The following MME variants were observed in gnomAD, a reference collection of about 807,000 sequenced individuals.
The protein encoded by MME is neprilysin.
MME carries 98 observed loss-of-function variants against 113.2 expected under a neutral mutation model. The ratio of observed to expected loss-of-function variants is 0.87; its 90% CI spans 0.74 to 1.02. The LOEUF is 1.02. MME is among the 50% of genes least tolerant of loss of function. The pLI, the probability that MME is intolerant of heterozygous loss-of-function variation, is 0.00. For missense variants in MME, 836 were observed against 896.0 expected, an observed-to-expected ratio of 0.93 and a Z score of 0.86; for synonymous variants, 292 against 300.6, an observed-to-expected ratio of 0.97 and a Z score of 0.30.
chr3:155,028,606 T>A (rs1293832038), intron 1 of MME, among the ~76,000 whole-genome samples: 1 of 152,194 alleles, frequency 6.6e-6, no homozygotes, highest in East Asian at 1.9e-4. Flanking sequence ...ATAGCAGACT[T>A]TTCCAAGTCT....
At position 155,084,338 on chromosome 3, in the gene MME, C is replaced by A. The variant is rs1209380974; in HGVS notation, c.160+11C>A. 6.2e-7 allele frequency: 1 copy of A among 1,613,620 alleles called. No individual in the cohort carries two copies. The highest frequency in any genetic ancestry group is 1.7e-5 in the Admixed American group (1 of 60,000). ...ATGCAACCTACGATGGTGAGTTACT[C>A]CCACACCTGTGCATCCATAAGTGCA... On this transcript the variant is annotated intron_variant, in intron 2 of 22. Transcript: ENST00000360490.
chr3:155,046,580 C>T (rs964934932), intron 1 of MME, among the ~76,000 whole-genome samples: 1 of 152,136 alleles, frequency 6.6e-6, no homozygotes, highest in Non-Finnish European at 1.5e-5. Context: ...ATCCCAGTTA[C>T]TTAGGAGGCC....
At chr3:155,060,867 G>C (rs1305122221) in intron 1 of MME, among the ~76,000 whole-genome samples, 1 of 151,872 alleles carries the variant, frequency 6.6e-6, no homozygotes, top group Non-Finnish European at 1.5e-5. Context: ...GAGTGAGAGA[G>C]AGAGAGCACT....
At chr3:155,177,242 C>T (rs1712630892) in intron 22 of MME, among the ~76,000 whole-genome samples, 2 of 152,044 alleles carry the variant, frequency 1.3e-5, no homozygotes, top group Admixed American at 1.3e-4. Context: ...AAAACAAAAA[C>T]ATGCAGCTCT....
intron 15 of MME, among the ~76,000 whole-genome samples, chr3:155,148,131 A>C (rs1721662730): frequency 6.6e-6 from 1 of 152,140 alleles, no homozygotes; most frequent in Non-Finnish European, 1.5e-5. Context: ...CCCTTAGTTC[A>C]TCGGTATTAA....
chr3:155,143,470 G>T lies in MME; in HGVS notation c.1216G>T (p.Ala406Ser). Reference sequence around the variant, plus strand: ...CCTTTATGGTACAACCTCAGAAACAGCAACTTGGAGACGTTGTGCAAACTA... The same window carrying T: ...CCTTTATGGTACAACCTCAGAAACATCAACTTGGAGACGTTGTGCAAACTA... Reference protein sequence around the residue: ...KALYGTTSETATWRRCANYVN... With the variant: ...KALYGTTSETSTWRRCANYVN... The change falls in exon 13 of 23, where the codon GCA becomes TCA. Residue 406 changes from alanine (A) to serine (S), a missense_variant. Coordinates refer to ENST00000360490, the MANE Select transcript of MME (RefSeq NM_007289.4). 1 of 1,612,564 alleles carries T rather than the reference G, an allele frequency of 6.2e-7. No individual in the cohort carries two copies. Among genetic ancestry groups the T allele is most frequent in the Non-Finnish European group, 8.5e-7 (1 of 1,178,878 alleles).
chr3:155,112,659 A>G (rs1047282790), intron 3 of MME: 2 of 152,360 alleles, frequency 1.3e-5, no homozygotes, highest in Non-Finnish European at 1.5e-5. Flanking sequence ...AAAGGGCACA[A>G]ATAGAGTCTG....
At chr3:155,178,015 C>A (rs746104330) in intron 22 of MME, among the ~76,000 whole-genome samples, 1 of 152,168 alleles carries the variant, frequency 6.6e-6, no homozygotes, top group Non-Finnish European at 1.5e-5. Context: ...AACAACCACA[C>A]GCCATGCTAT....
intron 3 of MME, among the ~76,000 whole-genome samples, chr3:155,106,114 T>C (rs573333979): frequency 5.3e-5 from 8 of 152,344 alleles, no homozygotes; most frequent in Admixed American, 3.9e-4. Context: ...GTCTCCTTAC[T>C]TAAGAGTACA....
chr3:155,111,527 TG>T (rs1718188113), intron 3 of MME, among the ~76,000 whole-genome samples: 1 of 152,212 alleles, frequency 6.6e-6, no homozygotes, highest in Non-Finnish European at 1.5e-5. Context: ...CTGTACTTTT[TG>T]CCCCCTGGGA....
At chr3:155,168,858 T>C (rs1448874908) in intron 20 of MME, 61 bp downstream of exon 20, 7 of 1,431,542 alleles carry the variant, frequency 4.9e-6, no homozygotes, top group Admixed American at 3.6e-5. Flanking sequence ...TATTTAATAA[T>C]TCATTTAAAA....
intron 8 of MME, among the ~76,000 whole-genome samples, chr3:155,125,213 G>A (rs1177772971): frequency 1.3e-5 from 2 of 148,286 alleles, no homozygotes; most frequent in Non-Finnish European, 3.0e-5. Flanking sequence ...TCTTTGACTT[G>A]GAAAGGGAAC....
At chr3:155,089,763 A>C (rs1171207445) in intron 3 of MME, 1 of 388,208 alleles carries the variant, frequency 2.6e-6, no homozygotes, top group Non-Finnish European at 5.4e-6. Flanking sequence ...GGATCACTTG[A>C]GGTCGGGAGT....
intron 1 of MME, among the ~76,000 whole-genome samples, chr3:155,060,750 T>C (rs1036290358): frequency 2.6e-5 from 4 of 152,128 alleles, no homozygotes; most frequent in Admixed American, 6.5e-5. Flanking sequence ...AGTGCCAGCA[T>C]GGTCAGGTTC....
At chr3:155,051,054 G>A (rs200850410) in intron 1 of MME, among the ~76,000 whole-genome samples, 21 of 152,144 alleles carry the variant, frequency 1.4e-4, no homozygotes, top group Admixed American at 3.3e-4. Context: ...TTTGCCGCTC[G>A]TAGAAAAATG....
chr3:155,040,304 A>G (rs1713263602), intron 1 of MME, among the ~76,000 whole-genome samples: 1 of 152,110 alleles, frequency 6.6e-6, no homozygotes, highest in Non-Finnish European at 1.5e-5. Context: ...ACAGTAGCAA[A>G]CCCTCTCAAG....
At chr3:155,086,606 G>A (rs1163932673) in intron 3 of MME, among the ~76,000 whole-genome samples, 1 of 152,220 alleles carries the variant, frequency 6.6e-6, no homozygotes, top group Non-Finnish European at 1.5e-5. Flanking sequence ...CAATTGGAGT[G>A]TGGTGAAAAT....
intron 1 of MME, among the ~76,000 whole-genome samples, chr3:155,059,467 T>A (rs1714064287): frequency 6.6e-6 from 1 of 152,106 alleles, no homozygotes; most frequent in Admixed American, 6.6e-5. Flanking sequence ...TCTCTCATCT[T>A]ACAGATAAGA....
rs1720939091 is a variant in MME, at chr3:155,140,049, A to G, written c.856-142A>G. The G allele has an allele frequency of 7.9e-6, 4 of 505,456 alleles. No homozygotes were observed. In the East Asian group the frequency reaches 1.4e-4, roughly 18 times the overall value. The allele number at this position is 505,456 out of a possible 1,614,324, so 31.3% of individuals were successfully genotyped here. On this transcript the variant is annotated intron_variant, in intron 9 of 22. Transcript: ENST00000360490. ...TCTCTTACATTTCACTTTTTTTGAAATGACAAAACAAATTACAAAAACAAG... is the reference window on the plus strand; with the variant it reads ...TCTCTTACATTTCACTTTTTTTGAAGTGACAAAACAAATTACAAAAACAAG...
Sources: allele counts gnomAD v4.1 joint callset (sites outside exome capture counted in the v4.1 genomes callset), GRCh38; gene constraint gnomAD v4.1.1; transcripts MANE v1.5; gene names NCBI Gene and HGNC (gene_info 2026-07-23, HGNC 2026-07-21).